Variants in PSMC3 observed in about 807,000 individuals in gnomAD.
PSMC3 encodes the protein 26S proteasome regulatory subunit 6A.
A neutral mutation model predicts 52.0 loss-of-function variants in PSMC3; 11 were observed. The observed-to-expected ratio is 0.21, with a 90% CI of 0.13 to 0.35. The LOEUF (loss-of-function observed/expected upper bound fraction) is 0.35, where lower values mean the gene tolerates loss of function less well. Ranked by LOEUF, PSMC3 falls within the 10% of genes least tolerant of loss-of-function variation. PSMC3 has a pLI of 1.00. For missense variants in PSMC3, 238 were observed against 567.1 expected (o/e 0.42, Z 5.89); for synonymous variants, 201 against 218.8 (o/e 0.92, Z 0.72).
At chr11:47,420,142 T>C in intron 10 of PSMC3, 122 bp downstream of exon 10, 1 of 1,185,028 alleles carries the variant, frequency 8.4e-7, no homozygotes, top group Non-Finnish European at 1.2e-6. Flanking sequence ...CGGTGCTGTG[T>C]GTGCCTGGGG....
Position 47,422,439 on chromosome 11 carries a change from A to G in PSMC3, c.884+135T>C. The G allele has an allele frequency of 9.2e-7, 1 of 1,081,868 alleles. No homozygotes were observed. Among genetic ancestry groups the G allele is most frequent in the Non-Finnish European group, 1.3e-6 (1 of 748,038 alleles). 67.0% of individuals were successfully genotyped at this position (1,081,868 alleles called of 1,614,324 possible). A position where few individuals can be genotyped will look rare whatever the true frequency, so the allele number is the denominator to read the frequency against. On this transcript the variant is annotated intron_variant, in intron 8 of 11. Coordinates refer to ENST00000298852, the MANE Select transcript of PSMC3 (RefSeq NM_002804.5). This position sits in a 1 kb window ranked among gnomAD's most constrained non-coding sequence, Gnocchi z 4.3. Reference sequence around the variant, plus strand: ...ATCAGGAGTTAGGAATTGGAATCTCAAGAGTTGAGGAGCCACCATCCAGGG... The same window carrying G: ...ATCAGGAGTTAGGAATTGGAATCTCGAGAGTTGAGGAGCCACCATCCAGGG...
chr11:47,421,175 G>A lies in PSMC3; in HGVS notation c.885-448C>T, dbSNP rs145163619. ...CACTGAGGCAGAATTACTTGAACCC[G>A]GGAGGTGGAGGTTGCAGTGAGCCGA... On this transcript the variant is annotated intron_variant, in intron 8 of 11. Coordinates refer to ENST00000298852, the MANE Select transcript of PSMC3 (RefSeq NM_002804.5). Among the ~76,000 whole-genome samples the A allele has an allele frequency of 4.1e-3, 595 of 145,020 alleles. 5 individuals carry two copies. Among genetic ancestry groups the A allele is most frequent in the African/African-American group, 0.014 (559 of 39,580 alleles).
At position 47,423,959 on chromosome 11, in the gene PSMC3, A is replaced by G. The variant is rs552653048; in HGVS notation, c.591+87T>C. The G allele has an allele frequency of 6.8e-5, 107 of 1,577,760 alleles. No individual in the cohort carries two copies. In the South Asian group the frequency reaches 1.2e-3, roughly 17 times the overall value. ...CTCCCTAGGTTGCTATGAGGATGAA[A>G]GACACATTAGGGAGATGAGCTGCAT... On this transcript the variant is annotated intron_variant, in intron 6 of 11. Transcript: ENST00000298852.
intron 1 of PSMC3, 71 bp from the exon 2 acceptor site, chr11:47,426,021 C>T: frequency 6.8e-7 from 1 of 1,478,102 alleles, no homozygotes; most frequent in Non-Finnish European, 9.4e-7. Flanking sequence ...TCTCCGAACC[C>T]ACTCACAGCC....
chr11:47,424,275 G>A lies in PSMC3; in HGVS notation c.454-92C>T. ...AGGTGTCTGCAGAGGGAAAGACACAGGACTGGGCAATACAAGAATCAAACA... is the reference window on the plus strand; with the variant it reads ...AGGTGTCTGCAGAGGGAAAGACACAAGACTGGGCAATACAAGAATCAAACA... On this transcript the variant is annotated intron_variant, in intron 5 of 11. Transcript: ENST00000298852. The surrounding 1 kb of genome is among the most constrained non-coding windows in gnomAD (Gnocchi z 4.8). The A allele has an allele frequency of 6.3e-7, 1 of 1,580,172 alleles. No homozygotes were observed. Among genetic ancestry groups the A allele is most frequent in the Non-Finnish European group, 8.7e-7 (1 of 1,149,714 alleles).
Position 47,422,199 on chromosome 11 carries a change from C to A in PSMC3, c.884+375G>T, listed in dbSNP as rs180727180. Among the ~76,000 whole-genome samples the A allele has an allele frequency of 9.7e-4, 147 of 152,174 alleles. No homozygotes were observed. The highest frequency in any genetic ancestry group is 1.7e-3 in the Non-Finnish European group (116 of 67,992). ...CTGGGACTACAGGCGCCTGCTACCA[C>A]GCCCAGCTAATTTTTTGTATTTTTA... is the stretch of plus-strand genomic sequence containing the variant. On this transcript the variant is annotated intron_variant, in intron 8 of 11. Transcript: ENST00000298852. This position sits in a 1 kb window ranked among gnomAD's most constrained non-coding sequence, Gnocchi z 4.3.
At chr11:47,423,404 CAAAA>C (rs773723021) in intron 6 of PSMC3, among the ~76,000 whole-genome samples, 6 of 115,822 alleles carry the variant, frequency 5.2e-5, no homozygotes, top group African/African-American at 1.6e-4. Flanking sequence ...GACTCCGTCA[CAAAA>C]AAAAAAAAAA....
At position 47,421,305 on chromosome 11, in the gene PSMC3, C is replaced by T. The variant is rs1210418007; in HGVS notation, c.885-578G>A. 2.2e-5 allele frequency among the ~76,000 whole-genome samples: 3 copies of T among 138,648 alleles called. No individual in the cohort carries two copies. In the East Asian group the frequency reaches 6.8e-4, roughly 32 times the overall value. 91.0% of individuals were successfully genotyped at this position (138,648 alleles called of 152,430 possible). A position where few individuals can be genotyped will look rare whatever the true frequency, so the allele number is the denominator to read the frequency against. ...AACCAACCACTGCTTGGGCTGTTAA[C>T]TGTGATGAATGTACACTTGCAAACT... On this transcript the variant is annotated intron_variant, in intron 8 of 11. Transcript: ENST00000298852.
intron 11 of PSMC3, 25 bp downstream of exon 11, chr11:47,419,091 G>A (rs367853627): frequency 3.5e-4 from 569 of 1,613,560 alleles, no homozygotes; most frequent in Middle Eastern, 2.5e-3. Context: ...ACAAAGCAAC[G>A]CACCCACCCC....
rs2023326318 is a variant in PSMC3 at position 47,419,088 on chromosome 11, AAC to A, written c.1209+26_1209+27del. The A allele has an allele frequency of 1.9e-6, 3 of 1,613,630 alleles. No individual in the cohort carries two copies. The South Asian group carries it at 3.3e-5, about 18-fold the overall frequency. On this transcript the variant is annotated intron_variant, in intron 11 of 11. Transcript: ENST00000298852. ...GGGAGGGGGCAAGAAGGCACAAAGC[AAC>A]GCACCCACCCCAGCTGACCACTCAC...
chr11:47,424,967 G>A lies in PSMC3; in HGVS notation c.285+154C>T, dbSNP rs1361657201. Among the ~76,000 whole-genome samples the A allele has an allele frequency of 6.6e-6, 1 of 152,114 alleles. No homozygotes were observed. The highest frequency in any genetic ancestry group is 1.5e-5 in the Non-Finnish European group (1 of 68,016). ...ACGTGAGACCTCCCAGGACTTTGCAGGCCCCGTCTTCCCCATGAAAGTGCC... is the reference window on the plus strand; with the variant it reads ...ACGTGAGACCTCCCAGGACTTTGCAAGCCCCGTCTTCCCCATGAAAGTGCC... On this transcript the variant is annotated intron_variant, in intron 3 of 11. Coordinates refer to ENST00000298852, the MANE Select transcript of PSMC3 (RefSeq NM_002804.5). This position sits in a 1 kb window ranked among gnomAD's most constrained non-coding sequence, Gnocchi z 4.8.
chr11:47,426,005 C>T, intron 1 of PSMC3, 55 bp from the exon 2 acceptor site: 2 of 1,536,696 alleles, frequency 1.3e-6, no homozygotes, highest in South Asian at 1.1e-5. Flanking sequence ...GACAAGCATC[C>T]CTCGTTCTCC....
At chr11:47,425,062 C>A in intron 3 of PSMC3, 59 bp downstream of exon 3, 2 of 1,609,880 alleles carry the variant, frequency 1.2e-6, no homozygotes, top group Middle Eastern at 1.7e-4. Context: ...AGTGGCCCCA[C>A]CCCAGGCTGT....
At chr11:47,425,298 C>G (rs1182169169) in intron 2 of PSMC3, 52 bp from the exon 3 acceptor site, 1 of 1,608,490 alleles carries the variant, frequency 6.2e-7, no homozygotes, top group Admixed American at 1.7e-5. Context: ...ACAGCTTATG[C>G]TAGAGCCCTG....
rs200851097 is a variant in PSMC3 at position 47,419,119 on chromosome 11, C to T, written c.1206G>A (p.Glu402=). Residue 402 remains glutamate (E), a synonymous_variant, in exon 11 of 12, where the codon GAG becomes GAA. Coordinates refer to ENST00000298852, the MANE Select transcript of PSMC3 (RefSeq NM_002804.5). ...NGAQCKAVCV[E]AGMIALRRGA... Reference sequence around the variant, plus strand: ...CCCACCCCAGCTGACCACTCACCGCCTCCACACACACAGCCTTGCACTGGG... The same window carrying T: ...CCCACCCCAGCTGACCACTCACCGCTTCCACACACACAGCCTTGCACTGGG... 6.2e-6 allele frequency: 10 copies of T among 1,614,160 alleles called. No individual in the cohort carries two copies. The African/African-American group carries it at 1.2e-4, about 19-fold the overall frequency.
intron 2 of PSMC3, 155 bp downstream of exon 2, chr11:47,425,712 G>A (rs1296645605): frequency 3.1e-6 from 2 of 641,300 alleles, no homozygotes; most frequent in African/African-American, 3.7e-5. Context: ...TCCCTTTTAA[G>A]GCTTAGTTTT....
In PSMC3 at chr11:47,418,901, C is replaced by G; in HGVS notation, c.1254G>C (p.Glu418Asp). ...LRRGATELTHEDYMEGILEVQ... is the reference protein window; with the variant it reads ...LRRGATELTHDDYMEGILEVQ... ...CCTCCAGGATGCCTTCCATGTAGTC[C>G]TCGTGGGTGAGCTCCGTGGCACCCC... The change falls in exon 12 of 12, where the codon GAG becomes GAC. Residue 418 changes from glutamate (E) to aspartate (D), a missense_variant. By Grantham distance (45) the Glu-to-Asp change is conservative. Around this residue, in one of 6 missense-constraint regions of PSMC3, gnomAD observed 23 missense variants for 64.6 expected, o/e 0.36. Transcript: ENST00000298852. 2 of 1,614,200 alleles carry G rather than the reference C, an allele frequency of 1.2e-6. No individual in the cohort carries two copies. Among genetic ancestry groups the G allele is most frequent in the Non-Finnish European group, 1.7e-6 (2 of 1,180,024 alleles).
At chr11:47,421,576 G>A (rs1304968115) in intron 8 of PSMC3, among the ~76,000 whole-genome samples, 1 of 151,980 alleles carries the variant, frequency 6.6e-6, no homozygotes, top group African/African-American at 2.4e-5. Context: ...GGGTGAAGGC[G>A]CAAAAAGGCA....
At chr11:47,419,763 G>C (rs1274727722) in intron 10 of PSMC3, among the ~76,000 whole-genome samples, 1 of 152,060 alleles carries the variant, frequency 6.6e-6, no homozygotes, top group African/African-American at 2.4e-5. Flanking sequence ...GGAGGCTGAG[G>C]CAGGAGAATG....
Sources: gnomAD v4.1 joint callset for allele counts (sites outside exome capture counted in the v4.1 genomes callset) on GRCh38, gnomAD v4.1.1 for gene constraint, gnomAD v4.1.1 regional missense constraint, Gnocchi (gnomAD v3.1) non-coding constraint, MANE v1.5 for transcripts, NCBI Gene and HGNC (gene_info 2026-07-23, HGNC 2026-07-21) for gene names.